The following TPRG1 variants were observed in gnomAD, a reference collection of about 807,000 sequenced individuals.
TPRG1 encodes tumor protein p63 regulated 1.
In TPRG1, 29 loss-of-function variants were observed where a neutral mutation model predicts 29.3. The observed-to-expected ratio is 0.99, with a 90% CI of 0.74 to 1.35. The LOEUF is 1.35. Ranked by LOEUF, TPRG1 falls within the 40% of genes most tolerant of loss-of-function variation. TPRG1 has a pLI of 0.00. For missense variants in TPRG1, 327 were observed against 335.0 expected, an observed-to-expected ratio of 0.98 and a Z score of 0.19; for synonymous variants, 130 against 116.8, an observed-to-expected ratio of 1.11 and a Z score of -0.73.
At chr3:189,153,339 T>G (rs969615084) in intron 5 of TPRG1, among the ~76,000 whole-genome samples, 1 of 152,190 alleles carries the variant, frequency 6.6e-6, no homozygotes, top group Admixed American at 6.5e-5. Context: ...TTATTGAGTT[T>G]ACACTCTTAA....
At chr3:189,062,540 C>T (rs915417998) in intron 4 of TPRG1, among the ~76,000 whole-genome samples, 1 of 152,096 alleles carries the variant, frequency 6.6e-6, no homozygotes, top group Non-Finnish European at 1.5e-5. Context: ...GACTATCCTT[C>T]CCCTCATGAG....
chr3:189,270,808 AG>A, intron 4 of TPRG1, among the ~76,000 whole-genome samples: 1 of 152,306 alleles, frequency 6.6e-6, no homozygotes. Context: ...AAGGCCACAA[AG>A]CTAGCCAGTG....
chr3:189,026,911 C>G (rs141125945), intron 4 of TPRG1, among the ~76,000 whole-genome samples: 7 of 152,262 alleles, frequency 4.6e-5, no homozygotes, highest in Non-Finnish European at 8.8e-5. Context: ...CACACCCAGG[C>G]TGTCAGGTCT....
chr3:189,286,309 T>TA, intron 4 of TPRG1, among the ~76,000 whole-genome samples: 1 of 152,228 alleles, frequency 6.6e-6, no homozygotes, highest in Non-Finnish European at 1.5e-5. Flanking sequence ...TTATTTTTTT[T>TA]ATATCATATC....
At chr3:189,293,450 G>A (rs1043216887) in intron 4 of TPRG1, among the ~76,000 whole-genome samples, 2 of 152,164 alleles carry the variant, frequency 1.3e-5, no homozygotes, top group Admixed American at 6.5e-5. Context: ...TTGCCAGAGG[G>A]AAGATGGGGA....
intron 5 of TPRG1, 24 bp downstream of exon 5, chr3:189,310,563 T>A (rs779822212): frequency 6.3e-7 from 1 of 1,586,482 alleles, no homozygotes; most frequent in Non-Finnish European, 8.6e-7. Context: ...TGGGTATTAC[T>A]CTCAGATTAG....
chr3:189,227,994 G>A (rs946884313), intron 3 of TPRG1, among the ~76,000 whole-genome samples: 4 of 152,002 alleles, frequency 2.6e-5, no homozygotes, highest in South Asian at 2.1e-4. Context: ...GGTGGCGGGC[G>A]CCTGTAGTCC....
intron 3 of TPRG1, among the ~76,000 whole-genome samples, chr3:189,144,475 C>G (rs1037861091): frequency 1.3e-5 from 2 of 152,192 alleles, no homozygotes. Flanking sequence ...GTTCTGCTGT[C>G]AAACTGAGCA....
chr3:189,312,774 T>C (rs1722913261), intron 5 of TPRG1, among the ~76,000 whole-genome samples: 1 of 152,204 alleles, frequency 6.6e-6, no homozygotes. Context: ...GTATGGAATA[T>C]TATTTTCCAA....
intron 4 of TPRG1, among the ~76,000 whole-genome samples, chr3:189,261,125 G>A (rs890176541): frequency 6.6e-6 from 1 of 152,000 alleles, no homozygotes; most frequent in African/African-American, 2.4e-5. Context: ...TATGAACACA[G>A]AGCAAATAGC....
chr3:189,026,710 G>C (rs1256344624), intron 4 of TPRG1, among the ~76,000 whole-genome samples: 3 of 152,144 alleles, frequency 2.0e-5, no homozygotes, highest in Non-Finnish European at 4.4e-5. Context: ...AAGCAGAATG[G>C]GGATGCATCA....
chr3:189,186,985 G>GTTTTTTTTTTT (rs397875585), intron 1 of TPRG1, among the ~76,000 whole-genome samples: 5 of 88,956 alleles, frequency 5.6e-5, no homozygotes, highest in African/African-American at 1.8e-4. Flanking sequence ...CATCTAAAGT[G>GTTTTTTTTTTT]TTTTTTTTTT....
chr3:189,125,813 T>TTTTG (rs1722389883), intron 1 of TPRG1, among the ~76,000 whole-genome samples: 1 of 124,060 alleles, frequency 8.1e-6, no homozygotes, highest in South Asian at 2.8e-4. Flanking sequence ...GCAGGGTGTT[T>TTTTG]TGTGTGTGTG....
At chr3:189,281,955 ACTGCAACCT>A (rs1384963242) in intron 4 of TPRG1, among the ~76,000 whole-genome samples, 1 of 151,930 alleles carries the variant, frequency 6.6e-6, no homozygotes, top group Non-Finnish European at 1.5e-5. Flanking sequence ...ATCTCAGCTC[ACTGCAACCT>A]CTGCCTCCCA....
At chr3:189,119,943 C>T (rs1047194335) in intron 1 of TPRG1, among the ~76,000 whole-genome samples, 15 of 152,150 alleles carry the variant, frequency 9.9e-5, no homozygotes, top group African/African-American at 3.6e-4. Flanking sequence ...GGAGGCTATG[C>T]TAGCAGATAA....
At chr3:189,271,572 T>G (rs1715137631) in intron 4 of TPRG1, among the ~76,000 whole-genome samples, 1 of 152,262 alleles carries the variant, frequency 6.6e-6, no homozygotes. Context: ...TTGGGTATTG[T>G]GCATGCGTAA....
rs144170362 is a variant in TPRG1, at chr3:189,207,395, T to C, written c.11T>C (p.Ile4Thr). The C allele has an allele frequency of 1.2e-6, 2 of 1,613,812 alleles. No individual in the cohort carries two copies. The highest frequency in any genetic ancestry group is 1.7e-6 in the Non-Finnish European group (2 of 1,179,916). ...GTTTAGGCTGAAGAAATGTCAACAATTGGGAGTTTTGAAGGATTCCAGGCT... is the reference window on the plus strand; with the variant it reads ...GTTTAGGCTGAAGAAATGTCAACAACTGGGAGTTTTGAAGGATTCCAGGCT... Reference protein sequence around the residue: MSTIGSFEGFQAVS... With the variant: MSTTGSFEGFQAVS... Residue 4 changes from isoleucine to threonine, a missense_variant, in exon 2 of 6, where the codon ATT becomes ACT. Physicochemically the swap from Ile to Thr is moderately conservative, Grantham distance 89 (BLOSUM62 -1). Transcript: ENST00000345063.
chr3:189,035,075 G>A (rs1714174690), intron 4 of TPRG1, among the ~76,000 whole-genome samples: 1 of 152,086 alleles, frequency 6.6e-6, no homozygotes, highest in Admixed American at 6.5e-5. Flanking sequence ...CATGGTACTA[G>A]TATAAAAACA....
At chr3:189,282,069 C>A (rs1266020778) in intron 4 of TPRG1, among the ~76,000 whole-genome samples, 2 of 151,858 alleles carry the variant, frequency 1.3e-5, no homozygotes, top group African/African-American at 4.8e-5. Flanking sequence ...TTAGTAGAGA[C>A]AAGGTTTCAC....
Sources: allele counts gnomAD v4.1 joint callset (sites outside exome capture counted in the v4.1 genomes callset), GRCh38; gene constraint gnomAD v4.1.1; transcripts MANE v1.5; gene names NCBI Gene and HGNC (gene_info 2026-07-23, HGNC 2026-07-21).